The following HSDL2 variants were observed in gnomAD, a reference collection of about 807,000 sequenced individuals.
The protein encoded by HSDL2 is hydroxysteroid dehydrogenase-like protein 2.
In HSDL2, 27 loss-of-function variants were observed where a neutral mutation model predicts 46.3. That is an observed-to-expected ratio of 0.58 (90% confidence interval 0.43 to 0.80). The LOEUF is 0.80. HSDL2 is among the 30% of genes least tolerant of loss of function. The pLI is 0.00. For synonymous variants in HSDL2, 153 were observed against 163.6 expected, an observed-to-expected ratio of 0.94 and a Z score of 0.50; for missense variants, 451 against 502.7, an observed-to-expected ratio of 0.90 and a Z score of 0.98.
At chr9:112,433,703 G>A (rs201268323) in intron 6 of HSDL2, 1 of 152,200 alleles carries the variant, frequency 6.6e-6, no homozygotes, top group Non-Finnish European at 1.5e-5. Context: ...TTGGCTGTTT[G>A]AGAGGCCTCT....
intron 6 of HSDL2, among the ~76,000 whole-genome samples, chr9:112,431,621 T>A (rs994557004): frequency 4.6e-5 from 7 of 152,116 alleles, no homozygotes; most frequent in African/African-American, 1.7e-4. Context: ...AGCACCATCC[T>A]CCTTGGTACT....
At chr9:112,454,888 T>C (rs2132694850) in intron 9 of HSDL2, among the ~76,000 whole-genome samples, 1 of 151,980 alleles carries the variant, frequency 6.6e-6, no homozygotes, top group Admixed American at 6.6e-5. Context: ...GTATTTTTAG[T>C]AGAGGTGGGG....
intron 9 of HSDL2, among the ~76,000 whole-genome samples, chr9:112,458,525 C>T (rs910638928): frequency 2.6e-5 from 4 of 151,566 alleles, no homozygotes; most frequent in African/African-American, 9.7e-5. Flanking sequence ...CGGGGTTTCA[C>T]CATGTTGGCC....
chr9:112,400,507 TGA>T (rs1480736341), intron 1 of HSDL2, among the ~76,000 whole-genome samples: 1 of 152,226 alleles, frequency 6.6e-6, no homozygotes, highest in African/African-American at 2.4e-5. Context: ...CTTGGGAGGC[TGA>T]GTCAGGAGAA....
chr9:112,402,187 C>T (rs1487589048), intron 1 of HSDL2, among the ~76,000 whole-genome samples: 3 of 152,096 alleles, frequency 2.0e-5, no homozygotes, highest in Non-Finnish European at 4.4e-5. Flanking sequence ...GCGGGTTTCC[C>T]TTGCTGTTAT....
chr9:112,404,030 C>T lies in HSDL2; in HGVS notation c.53C>T (p.Ala18Val). 1 of 1,614,112 alleles carries T rather than the reference C, an allele frequency of 6.2e-7. No homozygotes were observed. Among genetic ancestry groups the T allele is most frequent in the East Asian group, 2.2e-5 (1 of 44,886 alleles). The change falls in exon 2 of 11, where the codon GCA becomes GTA. Residue 18 changes from alanine (A) to valine (V), a missense_variant. Ala to Val is a moderately conservative substitution (Grantham distance 64). Transcript: ENST00000398805. ...LAGCTVFITGASRGIGKAIAL... is the reference protein window; with the variant it reads ...LAGCTVFITGVSRGIGKAIAL... ...GGATGTACAGTTTTTATCACAGGTG[C>T]AAGCCGTGGCATTGGCAAAGCTATT...
At chr9:112,401,104 A>T (rs1831580828) in intron 1 of HSDL2, among the ~76,000 whole-genome samples, 2 of 151,946 alleles carry the variant, frequency 1.3e-5, no homozygotes, top group African/African-American at 4.8e-5. Context: ...TTATTCTTTT[A>T]TTCTTTTTTA....
chr9:112,423,561 G>A (rs948064867), intron 6 of HSDL2, among the ~76,000 whole-genome samples: 15 of 151,780 alleles, frequency 9.9e-5, no homozygotes, highest in African/African-American at 3.6e-4. Flanking sequence ...CACCTGCCTC[G>A]GCCTCCCAAA....
At chr9:112,439,575 A>G (rs889876969) in intron 7 of HSDL2, among the ~76,000 whole-genome samples, 11 of 152,192 alleles carry the variant, frequency 7.2e-5, no homozygotes, top group Admixed American at 4.6e-4. Flanking sequence ...AGTTATATTT[A>G]TTTGCGCTAA....
chr9:112,441,795 T>C, intron 8 of HSDL2, 25 bp downstream of exon 8: 1 of 1,372,150 alleles, frequency 7.3e-7, no homozygotes, highest in Non-Finnish European at 1.0e-6. Flanking sequence ...ATATTTTATG[T>C]TAGAAAATAT....
At chr9:112,384,003 A>G (rs1831167827) in intron 1 of HSDL2, among the ~76,000 whole-genome samples, 1 of 152,178 alleles carries the variant, frequency 6.6e-6, no homozygotes, top group Admixed American at 6.5e-5. Context: ...ACCCAGCCCA[A>G]ACTATTTTAA....
In HSDL2 at chr9:112,384,004, A is replaced by T. The variant is rs146289699; in HGVS notation, c.17+3824A>T. On this transcript the variant is annotated intron_variant, in intron 1 of 10. Transcript: ENST00000398805. ...ATGTGAGCCACTCTACCCAGCCCAAACTATTTTAATTGCTCTAGTTTTACA... is the reference window on the plus strand; with the variant it reads ...ATGTGAGCCACTCTACCCAGCCCAATCTATTTTAATTGCTCTAGTTTTACA... 4.6e-3 allele frequency among the ~76,000 whole-genome samples: 696 copies of T among 152,216 alleles called. 2 individuals are homozygous for T. The highest frequency in any genetic ancestry group is 8.1e-3 in the Admixed American group (124 of 15,286).
Position 112,470,583 on chromosome 9 carries a change from A to G in HSDL2, c.*39A>G. The G allele has an allele frequency of 9.0e-7, 1 of 1,110,850 alleles. No individual in the cohort carries two copies. Among genetic ancestry groups the G allele is most frequent in the Non-Finnish European group, 1.3e-6 (1 of 755,154 alleles). 68.8% of individuals were successfully genotyped at this position (1,110,850 alleles called of 1,614,324 possible). On this transcript the variant is annotated 3_prime_UTR_variant, in exon 11 of 11. Coordinates refer to ENST00000398805, the MANE Select transcript of HSDL2 (RefSeq NM_032303.5). ...AAAAAAGTCGACTGCTATGCTCAAAAAGTAAAAAAAGCTCAACAGTTAAAA... is the reference window on the plus strand; with the variant it reads ...AAAAAAGTCGACTGCTATGCTCAAAGAGTAAAAAAAGCTCAACAGTTAAAA...
intron 8 of HSDL2, among the ~76,000 whole-genome samples, chr9:112,449,068 T>C (rs964505167): frequency 1.4e-5 from 2 of 142,770 alleles, no homozygotes; most frequent in African/African-American, 5.2e-5. Flanking sequence ...AACTGTTTTA[T>C]CTCTTTCCTC....
chr9:112,382,135 C>T lies in HSDL2; in HGVS notation c.17+1955C>T, dbSNP rs919207832. On this transcript the variant is annotated intron_variant, in intron 1 of 10. Coordinates refer to ENST00000398805, the MANE Select transcript of HSDL2 (RefSeq NM_032303.5). ...AATTAGCTGGACCTGGTAGCGGGCA[C>T]CTGTAATCCCAGCTACTCAGGAGGC... Among the ~76,000 whole-genome samples, 6 of 152,148 alleles carry T rather than the reference C, an allele frequency of 3.9e-5. No homozygotes were observed. In the South Asian group the frequency reaches 1.2e-3, roughly 31 times the overall value.
At chr9:112,398,200 C>T (rs1831503792) in intron 1 of HSDL2, among the ~76,000 whole-genome samples, 1 of 151,808 alleles carries the variant, frequency 6.6e-6, no homozygotes, top group South Asian at 2.1e-4. Context: ...GGGGCATCCA[C>T]GTGTGAAGAA....
chr9:112,431,410 C>A (rs1351671483), intron 6 of HSDL2, among the ~76,000 whole-genome samples: 3 of 152,026 alleles, frequency 2.0e-5, no homozygotes, highest in Admixed American at 6.6e-5. Context: ...AAGAGGAAGA[C>A]CCACATAGGA....
intron 6 of HSDL2, among the ~76,000 whole-genome samples, chr9:112,419,854 G>C (rs1367643802): frequency 6.6e-6 from 1 of 152,022 alleles, no homozygotes; most frequent in Admixed American, 6.6e-5. Context: ...TGGGCAATAA[G>C]ATATATAAAA....
At chr9:112,434,312 A>C (rs909382138) in intron 6 of HSDL2, among the ~76,000 whole-genome samples, 9 of 152,192 alleles carry the variant, frequency 5.9e-5, no homozygotes, top group African/African-American at 2.2e-4. Context: ...AGGCAGTAGA[A>C]GTACCACAGA....
Sources: gnomAD v4.1 joint callset for allele counts (sites outside exome capture counted in the v4.1 genomes callset) on GRCh38, gnomAD v4.1.1 for gene constraint, MANE v1.5 for transcripts, NCBI Gene and HGNC (gene_info 2026-07-23, HGNC 2026-07-21) for gene names.